The following ADK variants were observed in gnomAD, a reference collection of about 807,000 sequenced individuals.
ADK encodes the protein adenosine kinase.
In ADK, 24 loss-of-function variants were observed where a neutral mutation model predicts 44.7. The observed-to-expected ratio is 0.54, with a 90% CI of 0.39 to 0.76. The LOEUF is 0.76. Among genes scored for constraint, ADK ranks in the 30% least tolerant of loss-of-function variants. The probability of loss-of-function intolerance (pLI) is 0.00; values close to 1 mark genes in which losing one functional copy is unlikely to be tolerated. For synonymous variants in ADK, 128 were observed against 142.6 expected (o/e 0.90, Z 0.73); for missense variants, 321 against 425.1 (o/e 0.76, Z 2.15).
intron 4 of ADK, among the ~76,000 whole-genome samples, chr10:74,332,969 T>G (rs1305614588): frequency 2.6e-5 from 4 of 152,192 alleles, no homozygotes; most frequent in Admixed American, 6.5e-5. Flanking sequence ...AGATGTGGCA[T>G]GGACTTACTA....
At chr10:74,707,752 G>A (rs1856657069) in intron 10 of ADK, among the ~76,000 whole-genome samples, 1 of 117,664 alleles carries the variant, frequency 8.5e-6, no homozygotes, top group African/African-American at 3.3e-5. Flanking sequence ...AACAAGAGTG[G>A]AACTCCACCT....
intron 4 of ADK, among the ~76,000 whole-genome samples, chr10:74,369,131 T>A (rs1357575313): frequency 6.6e-6 from 1 of 152,080 alleles, no homozygotes; most frequent in Non-Finnish European, 1.5e-5. Context: ...CCAAGGCAGG[T>A]GGATCGCTCG....
At chr10:74,299,542 A>G (rs1208680625) in intron 3 of ADK, among the ~76,000 whole-genome samples, 2 of 147,534 alleles carry the variant, frequency 1.4e-5, no homozygotes, top group Non-Finnish European at 3.0e-5. Context: ...AAAATATATT[A>G]AAATACATAT....
chr10:74,286,933 C>T (rs753395102), intron 3 of ADK, among the ~76,000 whole-genome samples: 6 of 152,144 alleles, frequency 3.9e-5, no homozygotes, highest in Non-Finnish European at 8.8e-5. Flanking sequence ...GTGATCCTCC[C>T]ACCTCAGCCT....
intron 10 of ADK, among the ~76,000 whole-genome samples, chr10:74,677,756 A>G (rs941609163): frequency 2.6e-5 from 4 of 152,064 alleles, no homozygotes; most frequent in African/African-American, 9.7e-5. Flanking sequence ...CTAATGGGAC[A>G]TCTTCTCTGT....
At chr10:74,394,997 A>G (rs957986860) in intron 5 of ADK, among the ~76,000 whole-genome samples, 3 of 152,170 alleles carry the variant, frequency 2.0e-5, no homozygotes, top group African/African-American at 7.2e-5. Flanking sequence ...ATACTCCTTC[A>G]GTGTATTCAT....
intron 4 of ADK, among the ~76,000 whole-genome samples, chr10:74,375,285 T>G (rs1054749755): frequency 2.6e-5 from 4 of 152,196 alleles, no homozygotes; most frequent in Non-Finnish European, 5.9e-5. Flanking sequence ...GCCTTTTGCT[T>G]TTTTTAATAT....
intron 4 of ADK, among the ~76,000 whole-genome samples, chr10:74,339,637 A>C (rs1841520881): frequency 6.6e-6 from 1 of 152,214 alleles, no homozygotes; most frequent in South Asian, 2.1e-4. Flanking sequence ...AAAGTGATGA[A>C]ATAATGAACA....
chr10:74,152,985 CTTTTA>C (rs1351362287), intron 1 of ADK, among the ~76,000 whole-genome samples: 3 of 152,120 alleles, frequency 2.0e-5, no homozygotes, highest in African/African-American at 7.2e-5. Context: ...GCTATTATTA[CTTTTA>C]TTATATTAAT....
intron 7 of ADK, among the ~76,000 whole-genome samples, chr10:74,557,117 T>C (rs1355747952): frequency 6.6e-6 from 1 of 152,210 alleles, no homozygotes; most frequent in Non-Finnish European, 1.5e-5. Flanking sequence ...ATATTCTTTA[T>C]TGAAACTACT....
chr10:74,418,720 A>T (rs527844696), intron 6 of ADK, among the ~76,000 whole-genome samples: 2 of 152,270 alleles, frequency 1.3e-5, no homozygotes, highest in East Asian at 3.9e-4. Context: ...AATCTGTAGA[A>T]CTGCAGACTT....
intron 6 of ADK, among the ~76,000 whole-genome samples, chr10:74,489,433 T>C (rs2133386695): frequency 6.6e-6 from 1 of 152,088 alleles, no homozygotes; most frequent in South Asian, 2.1e-4. Flanking sequence ...GCTCAATGAC[T>C]TGAACAAGGA....
intron 1 of ADK, among the ~76,000 whole-genome samples, chr10:74,175,751 C>T (rs770093240): frequency 6.6e-6 from 1 of 152,032 alleles, no homozygotes; most frequent in Non-Finnish European, 1.5e-5. Context: ...CATAGTGAGA[C>T]CCTGTCTCTA....
At chr10:74,413,891 T>G (rs1190402020) in intron 6 of ADK, among the ~76,000 whole-genome samples, 2 of 152,194 alleles carry the variant, frequency 1.3e-5, no homozygotes, top group African/African-American at 4.8e-5. Flanking sequence ...GGATTATTAA[T>G]TGGCCTAATG....
At chr10:74,260,889 G>A (rs930075743) in intron 3 of ADK, among the ~76,000 whole-genome samples, 1 of 152,052 alleles carries the variant, frequency 6.6e-6, no homozygotes, top group Non-Finnish European at 1.5e-5. Flanking sequence ...TCCTACCCTG[G>A]GTTCTCCAGA....
chr10:74,349,757 G>A (rs1475307057), intron 4 of ADK, among the ~76,000 whole-genome samples: 1 of 151,988 alleles, frequency 6.6e-6, no homozygotes, highest in African/African-American at 2.4e-5. Context: ...AAAAAGCAGG[G>A]GTTGCACTTC....
chr10:74,278,319 A>T (rs1466651434), intron 3 of ADK, among the ~76,000 whole-genome samples: 1 of 148,124 alleles, frequency 6.8e-6, no homozygotes, highest in Non-Finnish European at 1.5e-5. Context: ...GCACCACTGC[A>T]CTCCAGTCTG....
At chr10:74,496,277 T>A in intron 6 of ADK, among the ~76,000 whole-genome samples, 1 of 152,200 alleles carries the variant, frequency 6.6e-6, no homozygotes, top group East Asian at 1.9e-4. Context: ...GGTTTTGCTC[T>A]GTGTCCCCAC....
At chr10:74,698,013 C>T (rs950508351) in intron 10 of ADK, among the ~76,000 whole-genome samples, 1 of 152,176 alleles carries the variant, frequency 6.6e-6, no homozygotes, top group Non-Finnish European at 1.5e-5. Flanking sequence ...AGATAATAGG[C>T]TACACCAATT....
Sources: allele counts gnomAD v4.1 joint callset (sites outside exome capture counted in the v4.1 genomes callset), GRCh38; gene constraint gnomAD v4.1.1; transcripts MANE v1.5; gene names NCBI Gene and HGNC (gene_info 2026-07-23, HGNC 2026-07-21).